Variants in MESD observed in about 807,000 individuals in gnomAD.
MESD encodes the protein mesoderm development LRP chaperone, also known as LRP chaperone MESD.
MESD carries 7 observed loss-of-function variants against 12.9 expected under a neutral mutation model. That is an observed-to-expected ratio of 0.54 (90% CI 0.31 to 1.02). The LOEUF (loss-of-function observed/expected upper bound fraction) is 1.02, where lower values mean the gene tolerates loss of function less well. Ranked by LOEUF, MESD falls within the 50% of genes least tolerant of loss-of-function variation. MESD has a pLI of 0.05. For missense variants in MESD, 342 were observed against 296.7 expected (o/e 1.15, Z -1.12); for synonymous variants, 126 against 115.6 (o/e 1.09, Z -0.58).
At chr15:80,952,578 G>GTCT (rs1235663758) in intron 3 of MESD, among the ~76,000 whole-genome samples, 8 of 152,026 alleles carry the variant, frequency 5.3e-5, no homozygotes, top group African/African-American at 1.7e-4. Flanking sequence ...GAGCTCCTGG[G>GTCT]TCTTATGCAT....
rs1169755665 is a variant in MESD, at chr15:80,955,487, C to CAAAAAA, written c.*289-3197_*289-3192dup. On this transcript the variant is annotated intron_variant, in intron 3 of 4. Coordinates refer to the MESD transcript ENST00000561312. ...CCTGGGCGACGGAGAGACTCCGTCT[C>CAAAAAA]AAAAAAAAAAAAAAAAAAGAAATGC... Among the ~76,000 whole-genome samples, 55 of 45,630 alleles carry CAAAAAA rather than the reference C, an allele frequency of 1.2e-3. 1 individual carries two copies. The highest frequency in any genetic ancestry group is 4.0e-3 in the African/African-American group (44 of 11,050). The allele number at this position is 45,630 out of a possible 152,430, so 29.9% of individuals were successfully genotyped here. A position where few individuals can be genotyped will look rare whatever the true frequency, so the allele number is the denominator to read the frequency against.
At chr15:80,984,177 G>C (rs12592704) in intron 1 of MESD, among the ~76,000 whole-genome samples, 25,950 of 152,032 alleles carry the variant, frequency 0.17, 2,360 homozygotes, top group African/African-American at 0.25. Flanking sequence ...GGGATTACAG[G>C]CATTAGCCAC....
Position 80,948,779 on chromosome 15 carries a change from CTCA to C in MESD, c.*743_*745del. ...TCTCATAGGGCTTTTGCTCAGGAGA[CTCA>C]TCATTGCTTTTCAGAGCAAATGGCA... On this transcript the variant is annotated 3_prime_UTR_variant, in exon 5 of 5. Coordinates refer to the MESD transcript ENST00000561312. 5 of 1,614,026 alleles carry C rather than the reference CTCA, an allele frequency of 3.1e-6. No individual in the cohort carries two copies. The South Asian group carries it at 4.4e-5, about 14-fold the overall frequency.
rs745425659 is a variant in MESD at position 80,979,423 on chromosome 15, G to A, written c.501C>T (p.Ala167=). 21 of 1,614,166 alleles carry A rather than the reference G, an allele frequency of 1.3e-5. No individual in the cohort carries two copies. Among genetic ancestry groups the A allele is most frequent in the South Asian group, 2.2e-5 (2 of 91,088 alleles). ...CGACCAAAAAGTCCTTGATCTCCCA[G>A]GCGTAGCTCCCATCGCGAAGCATGA... ...AIFMLRDGSY[A]WEIKDFLVGQ... is the part of the protein sequence containing the mutation. Residue 167 remains alanine (A), a synonymous_variant, in exon 3 of 3, where the codon GCC becomes GCT. Coordinates refer to ENST00000261758, the MANE Select transcript of MESD (RefSeq NM_015154.3).
Position 80,978,713 on chromosome 15 carries a change from A to G in MESD, c.*506T>C, listed in dbSNP as rs1902486717. 1 of 152,946 alleles carries G rather than the reference A, an allele frequency of 6.5e-6. No homozygotes were observed. 9.5% of individuals were successfully genotyped at this position (152,946 alleles called of 1,614,324 possible). The stretch of plus-strand genomic sequence containing the variant: ...CATTTCCTGCATAGATTTTGGATTT[A>G]CACACCCTGGCTTCCTGGCTACAGA... On this transcript the variant is annotated 3_prime_UTR_variant, in exon 3 of 3. Coordinates refer to ENST00000261758, the MANE Select transcript of MESD (RefSeq NM_015154.3).
chr15:80,952,092 G>A (rs1901852037), exon 4 of MESD: 1 of 439,560 alleles, frequency 2.3e-6, no homozygotes, highest in African/African-American at 2.0e-5. Context: ...TCAGGAGGCT[G>A]TCACTTCAAC....
At chr15:80,980,942 G>A (rs1239799095) in intron 2 of MESD, among the ~76,000 whole-genome samples, 8 of 151,498 alleles carry the variant, frequency 5.3e-5, no homozygotes, top group African/African-American at 1.9e-4. Context: ...TCCTGCCTCA[G>A]CCTCTGGAGT....
At chr15:80,962,844 G>C (rs577299101) in intron 3 of MESD, among the ~76,000 whole-genome samples, 2 of 152,326 alleles carry the variant, frequency 1.3e-5, no homozygotes, top group African/African-American at 4.8e-5. Flanking sequence ...GCAGTGTGTA[G>C]AGGGAAATTG....
chr15:80,947,088 A>C (rs771314358), downstream of MESD: 1 of 1,496,358 alleles, frequency 6.7e-7, no homozygotes, highest in South Asian at 1.1e-5. Context: ...ACTGGGGTTT[A>C]AACTGACCCC....
At chr15:80,974,355 A>AG (rs34488843), downstream of MESD, among the ~76,000 whole-genome samples, 11 of 150,460 alleles carry the variant, frequency 7.3e-5, no homozygotes, top group African/African-American at 2.7e-4. Context: ...TGAATAAGAG[A>AG]GGGAAAAAAC....
chr15:80,985,404 G>A, intron 1 of MESD, among the ~76,000 whole-genome samples: 1 of 152,088 alleles, frequency 6.6e-6, no homozygotes, highest in South Asian at 2.1e-4. Context: ...AGGCCTCTGT[G>A]ATCTGGCCTC....
intron 3 of MESD, among the ~76,000 whole-genome samples, chr15:80,969,716 G>T (rs1596229964): frequency 6.6e-6 from 1 of 152,204 alleles, no homozygotes; most frequent in Admixed American, 6.5e-5. Context: ...TTAGCCAGGT[G>T]TGGTGGCGGG....
chr15:80,989,433 G>T, intron 1 of MESD, 146 bp downstream of exon 1: 1 of 964,632 alleles, frequency 1.0e-6, no homozygotes, highest in Non-Finnish European at 1.5e-6. Context: ...AGGGTCAACA[G>T]TGGCTTCAGT....
Position 80,976,023 on chromosome 15 carries a change from G to A in MESD, c.*3196C>T, listed in dbSNP as rs1902405614. The stretch of plus-strand genomic sequence containing the variant: ...ATTTTTGTTTCGTTTTTTTGAGACA[G>A]AGTCTCATCCCGTCATCCAGGCTGG... On this transcript the variant is annotated 3_prime_UTR_variant, in exon 3 of 3. Transcript: ENST00000261758. The A allele has an allele frequency of 6.6e-6, 1 of 152,202 alleles. No homozygotes were observed. The highest frequency in any genetic ancestry group is 1.9e-4 in the East Asian group (1 of 5,200). 9.4% of individuals were successfully genotyped at this position (152,202 alleles called of 1,614,324 possible).
In MESD at chr15:80,954,491, T is replaced by C. The variant is rs1308899324; in HGVS notation, c.*289-2195A>G. 2.6e-5 allele frequency among the ~76,000 whole-genome samples: 4 copies of C among 151,988 alleles called. No individual in the cohort carries two copies. In the South Asian group the frequency reaches 6.2e-4, roughly 24 times the overall value. ...CTCAATGGCAGGGAAAGGAGTAGGA[T>C]GTGGGTGGTGGGAAGGGCTTAATCC... On this transcript the variant is annotated intron_variant, in intron 3 of 4. Coordinates refer to the MESD transcript ENST00000561312.
At position 80,958,330 on chromosome 15, in the gene MESD, CAATT is replaced by C. The variant is rs746055303; in HGVS notation, c.*289-6038_*289-6035del. On this transcript the variant is annotated intron_variant, in intron 3 of 4. Transcript: ENST00000561312. ...TTGGTCCCAGGCATTTATTTTATTTCAATTAATTAATTAATTTAGAGATGGGGTC... is the reference window on the plus strand; with the variant it reads ...TTGGTCCCAGGCATTTATTTTATTTCAATTAATTAATTTAGAGATGGGGTC... 3.3e-5 allele frequency among the ~76,000 whole-genome samples: 5 copies of C among 151,952 alleles called. No homozygotes were observed. The South Asian group carries it at 6.2e-4, about 19-fold the overall frequency.
At chr15:80,948,543 C>T (rs75686855) in exon 5 of MESD, 7 of 540,112 alleles carry the variant, frequency 1.3e-5, no homozygotes, top group Non-Finnish European at 1.7e-5. Context: ...GTGCATGGCT[C>T]CCCTGTCTAC....
At chr15:80,971,104 T>C (rs1367786041), downstream of MESD, among the ~76,000 whole-genome samples, 1 of 152,182 alleles carries the variant, frequency 6.6e-6, no homozygotes, top group Non-Finnish European at 1.5e-5. Flanking sequence ...GGAGCCTCAC[T>C]GGAGGCTGGT....
intron 1 of MESD, among the ~76,000 whole-genome samples, chr15:80,983,387 T>G (rs1049701239): frequency 1.3e-5 from 2 of 152,212 alleles, no homozygotes; most frequent in Non-Finnish European, 2.9e-5. Context: ...TGTAGTGGTA[T>G]GGGCTAGCAA....
Sources: allele counts gnomAD v4.1 joint callset (sites outside exome capture counted in the v4.1 genomes callset), GRCh38; gene constraint gnomAD v4.1.1; transcripts MANE v1.5; gene names NCBI Gene and HGNC (gene_info 2026-07-23, HGNC 2026-07-21).